AADACL2: variants seen among roughly 807,000 people sequenced by gnomAD.
AADACL2 encodes arylacetamide deacetylase like 2.
AADACL2 carries 23 observed loss-of-function variants against 22.3 expected under a neutral mutation model. That is an observed-to-expected ratio of 1.03 (90% CI 0.74 to 1.46). AADACL2 has a LOEUF of 1.46. Among genes scored for constraint, AADACL2 ranks in the 40% most tolerant of loss-of-function variants. The pLI is 0.00. For synonymous variants in AADACL2, 177 were observed against 166.2 expected, an observed-to-expected ratio of 1.07 and a Z score of -0.50; for missense variants, 472 against 482.9, an observed-to-expected ratio of 0.98 and a Z score of 0.21.
chr3:151,752,185 T>C (rs1357323364), intron 4 of AADACL2, among the ~76,000 whole-genome samples: 1 of 152,196 alleles, frequency 6.6e-6, no homozygotes, highest in Non-Finnish European at 1.5e-5. Context: ...GAAATTATTA[T>C]AGAGCTCATT....
rs185236491 is a variant in AADACL2, at chr3:151,760,771, T to C, written c.*3177T>C. The C allele has an allele frequency of 1.1e-3, 163 of 152,258 alleles. No homozygotes were observed. Among genetic ancestry groups the C allele is most frequent in the African/African-American group, 3.8e-3 (160 of 41,562 alleles). 9.4% of individuals were successfully genotyped at this position (152,258 alleles called of 1,614,324 possible). Reference sequence around the variant, plus strand: ...AATAAACAAAAGGAATTTATTACTTTGTGGTTCAGAAGGCTAGAAGTTGGA... The same window carrying C: ...AATAAACAAAAGGAATTTATTACTTCGTGGTTCAGAAGGCTAGAAGTTGGA... On this transcript the variant is annotated 3_prime_UTR_variant, in exon 5 of 5. Transcript: ENST00000356517.
intron 4 of AADACL2, among the ~76,000 whole-genome samples, chr3:151,747,940 T>C (rs1449565243): frequency 6.6e-6 from 1 of 152,158 alleles, no homozygotes; most frequent in East Asian, 1.9e-4. Context: ...TACTCAGTTC[T>C]ATTTCCCATT....
At position 151,761,123 on chromosome 3, in the gene AADACL2, A is replaced by G. The variant is rs1483482778; in HGVS notation, c.*3529A>G. Reference sequence around the variant, plus strand: ...TATATATTTTTTTATATATGGTGAGATATATATTTATATATGGTGAGATAT... The same window carrying G: ...TATATATTTTTTTATATATGGTGAGGTATATATTTATATATGGTGAGATAT... On this transcript the variant is annotated 3_prime_UTR_variant, in exon 5 of 5. Transcript: ENST00000356517. 1 of 142,962 alleles carries G rather than the reference A, an allele frequency of 7.0e-6. No individual in the cohort carries two copies. Among genetic ancestry groups the G allele is most frequent in the Non-Finnish European group, 1.5e-5 (1 of 66,922 alleles). 8.9% of individuals were successfully genotyped at this position (142,962 alleles called of 1,614,324 possible). A position where few individuals can be genotyped will look rare whatever the true frequency, so the allele number is the denominator to read the frequency against.
chr3:151,735,051 C>T (rs1713044972), intron 1 of AADACL2, among the ~76,000 whole-genome samples: 1 of 152,186 alleles, frequency 6.6e-6, no homozygotes. Flanking sequence ...CTTTGTACAG[C>T]AAACAGTATA....
chr3:151,754,628 G>A (rs1461545320), intron 4 of AADACL2, among the ~76,000 whole-genome samples: 1 of 152,034 alleles, frequency 6.6e-6, no homozygotes. Context: ...CTTTATTGAA[G>A]CTCTTCCACA....
intron 1 of AADACL2, among the ~76,000 whole-genome samples, chr3:151,739,013 A>G (rs751363030): frequency 2.6e-5 from 4 of 152,168 alleles, no homozygotes; most frequent in Non-Finnish European, 4.4e-5. Flanking sequence ...CGTCAATCTC[A>G]TTCTCCATCC....
Position 151,757,033 on chromosome 3 carries a change from A to G in AADACL2, c.645A>G (p.Gln215=), listed in dbSNP as rs17855338. The G allele has an allele frequency of 1.2e-6, 2 of 1,610,724 alleles. No individual in the cohort carries two copies. The highest frequency in any genetic ancestry group is 1.7e-6 in the Non-Finnish European group (2 of 1,179,034). ...DAEIKHKIKM[Q]VLLYPGLQIT... ...AAATAAAACATAAAATCAAGATGCAAGTCTTACTTTACCCTGGCTTACAGA... is the reference window on the plus strand; with the variant it reads ...AAATAAAACATAAAATCAAGATGCAGGTCTTACTTTACCCTGGCTTACAGA... The change falls in exon 5 of 5, where the codon CAA becomes CAG. Residue 215 remains glutamine, a synonymous_variant. Transcript: ENST00000356517.
At chr3:151,741,229 A>G (rs1389277891) in intron 2 of AADACL2, among the ~76,000 whole-genome samples, 1 of 152,186 alleles carries the variant, frequency 6.6e-6, no homozygotes, top group Non-Finnish European at 1.5e-5. Flanking sequence ...TTTAATTAAC[A>G]AGTCAAAAGC....
intron 1 of AADACL2, among the ~76,000 whole-genome samples, chr3:151,739,885 T>C (rs941640685): frequency 3.1e-4 from 47 of 152,292 alleles, no homozygotes; most frequent in African/African-American, 1.1e-3. Flanking sequence ...CATCCCAGGT[T>C]GACTTCAGAC....
rs1303180202 is a variant in AADACL2 at position 151,759,734 on chromosome 3, T to C, written c.*2140T>C. ...GGAACCACAGGTAGACTAGCTTCCATTGCAGTCCCTTACCTCACTAACTTC... is the reference window on the plus strand; with the variant it reads ...GGAACCACAGGTAGACTAGCTTCCACTGCAGTCCCTTACCTCACTAACTTC... On this transcript the variant is annotated 3_prime_UTR_variant, in exon 5 of 5. Transcript: ENST00000356517. The C allele has an allele frequency of 6.6e-6, 1 of 152,154 alleles. No individual in the cohort carries two copies. Among genetic ancestry groups the C allele is most frequent in the Non-Finnish European group, 1.5e-5 (1 of 67,998 alleles). The allele number at this position is 152,154 out of a possible 1,614,324, so 9.4% of individuals were successfully genotyped here. A position where few individuals can be genotyped will look rare whatever the true frequency, so the allele number is the denominator to read the frequency against.
rs1415363103 is a variant in AADACL2, at chr3:151,761,159, GGTGAGAT to G, written c.*3566_*3572del. The G allele has an allele frequency of 5.3e-5, 4 of 75,452 alleles. No individual in the cohort carries two copies. The East Asian group carries it at 1.6e-3, about 31-fold the overall frequency. The allele number at this position is 75,452 out of a possible 1,614,324, so 4.7% of individuals were successfully genotyped here. On this transcript the variant is annotated 3_prime_UTR_variant, in exon 5 of 5. Transcript: ENST00000356517. Reference sequence around the variant, plus strand: ...TATATGGTGAGATATATATATATATGGTGAGATATATATTTATATATATGGTGAGATA... The same window carrying G: ...TATATGGTGAGATATATATATATATGATATATTTATATATATGGTGAGATA...
chr3:151,744,464 A>T (rs1374948557), intron 3 of AADACL2, among the ~76,000 whole-genome samples: 1 of 152,118 alleles, frequency 6.6e-6, no homozygotes, highest in East Asian at 1.9e-4. Flanking sequence ...GACAGAAGGA[A>T]GTATATTAAC....
At position 151,761,251 on chromosome 3, in the gene AADACL2, T is replaced by C. The variant is rs1479467364; in HGVS notation, c.*3657T>C. On this transcript the variant is annotated 3_prime_UTR_variant, in exon 5 of 5. Coordinates refer to ENST00000356517, the MANE Select transcript of AADACL2 (RefSeq NM_207365.4). ...TATATATATATATATATGAATTTGG[T>C]GGAACACAAAAGAACACCTAGCAAG... The C allele has an allele frequency of 2.7e-5, 3 of 111,922 alleles. No homozygotes were observed. The highest frequency in any genetic ancestry group is 5.8e-5 in the Non-Finnish European group (3 of 51,816). The allele number at this position is 111,922 out of a possible 1,614,324, so 6.9% of individuals were successfully genotyped here. A position where few individuals can be genotyped will look rare whatever the true frequency, so the allele number is the denominator to read the frequency against.
intron 4 of AADACL2, among the ~76,000 whole-genome samples, chr3:151,752,047 T>A (rs1266144331): frequency 1.3e-5 from 2 of 152,222 alleles, no homozygotes; most frequent in African/African-American, 4.8e-5. Flanking sequence ...TATTTACTTT[T>A]GTGATTATAC....
chr3:151,753,867 A>G (rs1713772379), intron 4 of AADACL2, among the ~76,000 whole-genome samples: 1 of 152,092 alleles, frequency 6.6e-6, no homozygotes, highest in African/African-American at 2.4e-5. Context: ...GAAGGGTAGT[A>G]GATGATGGGG....
At chr3:151,738,240 T>G (rs1713159672) in intron 1 of AADACL2, among the ~76,000 whole-genome samples, 1 of 152,242 alleles carries the variant, frequency 6.6e-6, no homozygotes, top group Admixed American at 6.5e-5. Context: ...ATTTCATTTC[T>G]CCTTTGCTTA....
chr3:151,757,779 G>T lies in AADACL2; in HGVS notation c.*185G>T. 3.6e-6 allele frequency: 2 copies of T among 561,314 alleles called. No homozygotes were observed. The highest frequency in any genetic ancestry group is 3.4e-5 in the South Asian group (1 of 29,758). 34.8% of individuals were successfully genotyped at this position (561,314 alleles called of 1,614,324 possible). A position where few individuals can be genotyped will look rare whatever the true frequency, so the allele number is the denominator to read the frequency against. On this transcript the variant is annotated 3_prime_UTR_variant, in exon 5 of 5. Coordinates refer to ENST00000356517, the MANE Select transcript of AADACL2 (RefSeq NM_207365.4). ...CTTGCAGACCCTGAATATGTAAAAT[G>T]TATGTAATCCTGCCTATTTTCTCCT...
intron 4 of AADACL2, among the ~76,000 whole-genome samples, chr3:151,747,035 C>A (rs1369524431): frequency 1.3e-5 from 2 of 151,890 alleles, no homozygotes; most frequent in Non-Finnish European, 2.9e-5. Context: ...ACACTAGCCT[C>A]ATTAAATAAT....
chr3:151,734,956 G>A lies in AADACL2; in HGVS notation c.138+783G>A, dbSNP rs1713041536. On this transcript the variant is annotated intron_variant, in intron 1 of 4. Transcript: ENST00000356517. Reference sequence around the variant, plus strand: ...CAGCTTCCAGAAAGGGTAACAATAAGAGGCTCAAAGGAGAAGGCCACAGAA... The same window carrying A: ...CAGCTTCCAGAAAGGGTAACAATAAAAGGCTCAAAGGAGAAGGCCACAGAA... Among the ~76,000 whole-genome samples the A allele has an allele frequency of 2.0e-5, 3 of 152,130 alleles. No homozygotes were observed. In the South Asian group the frequency reaches 6.2e-4, roughly 32 times the overall value.
Sources: gnomAD v4.1 joint callset for allele counts (sites outside exome capture counted in the v4.1 genomes callset) on GRCh38, gnomAD v4.1.1 for gene constraint, MANE v1.5 for transcripts, NCBI Gene and HGNC (gene_info 2026-07-23, HGNC 2026-07-21) for gene names.